The following PDXDC1 variants were observed in gnomAD, a reference collection of about 807,000 sequenced individuals.
PDXDC1 encodes the protein pyridoxal dependent decarboxylase domain containing 1.
PDXDC1 carries 42 observed loss-of-function variants against 100.1 expected under a neutral mutation model. That is an observed-to-expected ratio of 0.42 (90% CI 0.33 to 0.54). The LOEUF is 0.54. Ranked by LOEUF, PDXDC1 falls within the 20% of genes least tolerant of loss-of-function variation. PDXDC1 has a pLI of 0.10. For synonymous variants in PDXDC1, 260 were observed against 371.7 expected (o/e 0.70, Z 3.46); for missense variants, 636 against 979.2 (o/e 0.65, Z 4.68).
intron 13 of PDXDC1, chr16:15,026,110 A>C (rs2042580471): frequency 6.5e-6 from 1 of 154,342 alleles, no homozygotes; most frequent in African/African-American, 2.4e-5. Flanking sequence ...ATGAGTATGA[A>C]AAATTCTAGT....
intron 16 of PDXDC1, among the ~76,000 whole-genome samples, chr16:15,111,844 C>A (rs1412753771): frequency 1.3e-5 from 2 of 148,922 alleles, no homozygotes; most frequent in East Asian, 3.9e-4. Context: ...TAATTATCAT[C>A]TTGTAAGTAT....
At chr16:15,088,777 T>C (rs2046005409) in intron 16 of PDXDC1, among the ~76,000 whole-genome samples, 1 of 152,066 alleles carries the variant, frequency 6.6e-6, no homozygotes, top group Non-Finnish European at 1.5e-5. Flanking sequence ...AGCCAACAGA[T>C]AATAAATCTG....
chr16:14,994,356 A>G (rs1267389797), intron 1 of PDXDC1, among the ~76,000 whole-genome samples: 3 of 152,410 alleles, frequency 2.0e-5, no homozygotes, highest in East Asian at 3.9e-4. Flanking sequence ...CTTTCTACAT[A>G]TGGCTGGCCA....
intron 16 of PDXDC1, chr16:15,129,975 C>T: frequency 7.6e-7 from 1 of 1,309,832 alleles, no homozygotes; most frequent in Non-Finnish European, 1.1e-6. Context: ...CGGCTGGCAT[C>T]CAACTGGTCC....
chr16:15,148,127 T>G, the PDXDC1 span, among the ~76,000 whole-genome samples: 1 of 151,594 alleles, frequency 6.6e-6, no homozygotes, highest in Non-Finnish European at 1.5e-5. Context: ...TAGCTGGGAC[T>G]ACAGGCGCCA....
Position 15,034,478 on chromosome 16 carries a change from G to A in PDXDC1, c.1927G>A (p.Val643Ile), listed in dbSNP as rs1318242128. Residue 643 changes from valine to isoleucine, a missense_variant, in exon 21 of 23, where the codon GTA becomes ATA. Val to Ile is a conservative substitution (Grantham distance 29). Coordinates refer to ENST00000396410, the MANE Select transcript of PDXDC1 (RefSeq NM_015027.4). ...GCAGGGGGTGTTGCGGCAGATCCCT[G>A]TAGTGGGCTCCGTGCTGAATTGGTT... ...LEEGVLRQIP[V>I]VGSVLNWFSP... 3 of 1,614,130 alleles carry A rather than the reference G, an allele frequency of 1.9e-6. No homozygotes were observed. The highest frequency in any genetic ancestry group is 1.7e-6 in the Non-Finnish European group (2 of 1,180,028).
chr16:15,056,070 G>C (rs1200444717), intron 16 of PDXDC1: 1 of 367,830 alleles, frequency 2.7e-6, no homozygotes, highest in Non-Finnish European at 3.9e-6. Context: ...CGCGCGTCCC[G>C]CCTCGTCCTG....
intron 18 of PDXDC1, 71 bp from the exon 19 acceptor site, chr16:15,033,207 A>G: frequency 1.3e-6 from 2 of 1,556,582 alleles, no homozygotes; most frequent in African/African-American, 1.4e-5. Context: ...GACCCTGAAC[A>G]GGAGAGTAGG....
intron 21 of PDXDC1, among the ~76,000 whole-genome samples, chr16:15,035,240 T>C (rs2043338220): frequency 6.6e-6 from 1 of 152,220 alleles, no homozygotes; most frequent in Admixed American, 6.5e-5. Flanking sequence ...GCTTACGCCA[T>C]ACTGCTGGCG....
At chr16:15,127,976 T>A (rs200784183) in intron 16 of PDXDC1, 21 of 1,537,064 alleles carry the variant, frequency 1.4e-5, no homozygotes, top group South Asian at 7.8e-5. Flanking sequence ...AGTGGGAACA[T>A]GGAACGAGGC....
intron 16 of PDXDC1, chr16:15,125,953 C>T (rs1349799928): frequency 1.6e-5 from 10 of 608,344 alleles, no homozygotes; most frequent in Admixed American, 2.7e-5. Context: ...ACATCTGCAC[C>T]GTCCGTGATG....
intron 1 of PDXDC1, among the ~76,000 whole-genome samples, chr16:14,991,267 A>ATGTGTGTGTGTG (rs10642182): frequency 7.3e-4 from 109 of 149,858 alleles, no homozygotes; most frequent in East Asian, 9.9e-4. Flanking sequence ...GTATATAGAT[A>ATGTGTGTGTGTG]TGTGTGTGTG....
intron 14 of PDXDC1, 111 bp from the exon 15 acceptor site, chr16:15,028,767 G>A (rs2042824617): frequency 1.0e-6 from 1 of 990,432 alleles, no homozygotes; most frequent in Admixed American, 2.3e-5. Context: ...AGTAATACGA[G>A]TCAGTGCCCT....
intron 16 of PDXDC1, chr16:15,137,718 G>C: frequency 8.4e-7 from 1 of 1,185,226 alleles, no homozygotes; most frequent in Non-Finnish European, 1.2e-6. Flanking sequence ...CACCTGGCTG[G>C]GAAGGACAGA....
chr16:15,056,043 G>T, intron 16 of PDXDC1: 2 of 665,282 alleles, frequency 3.0e-6, no homozygotes, highest in African/African-American at 1.9e-5. Flanking sequence ...GCCGCCCGCC[G>T]CCCCCGCCCC....
rs118130971 is a variant in PDXDC1 at position 15,081,755 on chromosome 16, C to T, written c.1399+51699C>T. Among the ~76,000 whole-genome samples the T allele has an allele frequency of 1.1e-3, 161 of 152,264 alleles. 1 individual carries two copies. The East Asian group carries it at 0.029, about 28-fold the overall frequency. On this transcript the variant is annotated intron_variant, in intron 16 of 16. Coordinates refer to the PDXDC1 transcript ENST00000535621. ...ATCTGGAAATTACTGCCTAAACCAACATCATGAAAATGTACTCGTTTTCTT... is the reference window on the plus strand; with the variant it reads ...ATCTGGAAATTACTGCCTAAACCAATATCATGAAAATGTACTCGTTTTCTT...
At chr16:15,044,290 T>C (rs1306803523) in intron 16 of PDXDC1, 2 of 1,362,396 alleles carry the variant, frequency 1.5e-6, no homozygotes, top group Admixed American at 3.4e-5. Context: ...TATGGGTACA[T>C]ATTTATGTCC....
intron 6 of PDXDC1, among the ~76,000 whole-genome samples, chr16:15,008,005 G>A (rs2040928206): frequency 6.6e-6 from 1 of 152,282 alleles, no homozygotes; most frequent in South Asian, 2.1e-4. Flanking sequence ...GTATTAAACT[G>A]TTAACGGGGT....
At chr16:15,078,895 T>C (rs1254426218) in intron 16 of PDXDC1, among the ~76,000 whole-genome samples, 2 of 148,100 alleles carry the variant, frequency 1.4e-5, no homozygotes, top group African/African-American at 5.0e-5. Flanking sequence ...CACTGCAAGC[T>C]CCACCTCCCG....
Sources: allele counts gnomAD v4.1 joint callset (sites outside exome capture counted in the v4.1 genomes callset), GRCh38; gene constraint gnomAD v4.1.1; transcripts MANE v1.5; gene names NCBI Gene and HGNC (gene_info 2026-07-23, HGNC 2026-07-21).